Variants in SMOC2 observed in about 807,000 individuals in gnomAD.
The protein encoded by SMOC2 is SPARC-related modular calcium-binding protein 2.
Under a neutral mutation model 61.4 loss-of-function variants are expected in SMOC2, and 39 were observed. That is an observed-to-expected ratio of 0.64 (90% CI 0.49 to 0.83). SMOC2 has a LOEUF of 0.83. Among genes scored for constraint, SMOC2 ranks in the 40% least tolerant of loss-of-function variants. The pLI, the probability that SMOC2 is intolerant of heterozygous loss-of-function variation, is 0.00. For missense variants in SMOC2, 556 were observed against 592.9 expected, an observed-to-expected ratio of 0.94 and a Z score of 0.65; for synonymous variants, 247 against 239.9, an observed-to-expected ratio of 1.03 and a Z score of -0.27.
chr6:168,566,551 C>T (rs1361635387), intron 7 of SMOC2, among the ~76,000 whole-genome samples: 9 of 139,574 alleles, frequency 6.4e-5, no homozygotes, highest in African/African-American at 2.4e-4. Flanking sequence ...GGTGTGATCT[C>T]GGCTCACTGC....
chr6:168,536,978 C>T (rs920578972), intron 4 of SMOC2, among the ~76,000 whole-genome samples: 2 of 152,008 alleles, frequency 1.3e-5, no homozygotes, highest in Non-Finnish European at 2.9e-5. Context: ...GGGGCTCCTG[C>T]CAGTGTCAGG....
chr6:168,504,841 A>G (rs898759705), intron 1 of SMOC2, among the ~76,000 whole-genome samples: 1 of 152,214 alleles, frequency 6.6e-6, no homozygotes, highest in Non-Finnish European at 1.5e-5. Flanking sequence ...CTTAATAACT[A>G]TTTAATACAT....
intron 7 of SMOC2, among the ~76,000 whole-genome samples, chr6:168,562,496 G>A (rs964255798): frequency 7.9e-5 from 12 of 151,646 alleles, no homozygotes; most frequent in East Asian, 1.9e-4. Context: ...CTCTGACTGC[G>A]TTTTCGGAGG....
intron 1 of SMOC2, among the ~76,000 whole-genome samples, chr6:168,488,517 T>C (rs1782387000): frequency 6.6e-6 from 1 of 152,238 alleles, no homozygotes; most frequent in Admixed American, 6.5e-5. Context: ...TCTCCACTCC[T>C]GGCAGTCTGC....
chr6:168,447,512 C>G (rs1781356712), intron 1 of SMOC2, among the ~76,000 whole-genome samples: 1 of 152,196 alleles, frequency 6.6e-6, no homozygotes, highest in Non-Finnish European at 1.5e-5. Context: ...TGTGGGTGCC[C>G]TGGGCCCTGC....
At chr6:168,500,577 G>A (rs189888905) in intron 1 of SMOC2, among the ~76,000 whole-genome samples, 7 of 152,166 alleles carry the variant, frequency 4.6e-5, no homozygotes, top group East Asian at 1.9e-4. Flanking sequence ...TACTTGCCCC[G>A]GTGATTCTGT....
At chr6:168,585,377 T>G (rs1285646123) in intron 7 of SMOC2, among the ~76,000 whole-genome samples, 2 of 152,224 alleles carry the variant, frequency 1.3e-5, no homozygotes, top group Non-Finnish European at 2.9e-5. Context: ...ACTGCGTGCA[T>G]TACCCATTCA....
At chr6:168,637,833 T>C (rs994091448) in intron 9 of SMOC2, among the ~76,000 whole-genome samples, 1 of 152,136 alleles carries the variant, frequency 6.6e-6, no homozygotes, top group Non-Finnish European at 1.5e-5. Flanking sequence ...AGCCTCTTCC[T>C]CCCCTTCCCT....
rs117671545 is a variant in SMOC2, at chr6:168,511,021, C to T, written c.256+935C>T. Among the ~76,000 whole-genome samples, 1,367 of 152,230 alleles carry T rather than the reference C, an allele frequency of 9.0e-3. 20 individuals are homozygous for T. The highest frequency in any genetic ancestry group is 0.013 in the Non-Finnish European group (901 of 68,018). On this transcript the variant is annotated intron_variant, in intron 2 of 12. Transcript: ENST00000356284. ...CGTTGTAATGGAGCAGATGTAGAAACCTGTTGGATGGCGCTTGATATTGGC... is the reference window on the plus strand; with the variant it reads ...CGTTGTAATGGAGCAGATGTAGAAATCTGTTGGATGGCGCTTGATATTGGC...
intron 2 of SMOC2, among the ~76,000 whole-genome samples, chr6:168,513,482 CAT>C (rs1396996190): frequency 1.9e-4 from 1 of 5,402 alleles, no homozygotes; most frequent in Admixed American, 4.3e-3. Flanking sequence ...CACACACATA[CAT>C]ACACACACAC....
intron 12 of SMOC2, 135 bp downstream of exon 12, chr6:168,664,246 AG>A (rs1419305617): frequency 1.3e-6 from 1 of 775,620 alleles, no homozygotes; most frequent in African/African-American, 1.7e-5. Flanking sequence ...AAGGGAGGCA[AG>A]CTTACTGACT....
At chr6:168,568,921 T>C (rs181748210) in intron 7 of SMOC2, among the ~76,000 whole-genome samples, 30 of 152,372 alleles carry the variant, frequency 2.0e-4, no homozygotes, top group African/African-American at 7.0e-4. Context: ...TATTCCATTG[T>C]TTGGATGCAC....
intron 1 of SMOC2, among the ~76,000 whole-genome samples, chr6:168,500,479 G>T (rs943560257): frequency 2.0e-5 from 3 of 152,090 alleles, no homozygotes; most frequent in African/African-American, 7.2e-5. Flanking sequence ...ACCTGACGGG[G>T]TCCCTCACGG....
intron 11 of SMOC2, among the ~76,000 whole-genome samples, chr6:168,657,130 G>A (rs1052283447): frequency 6.6e-6 from 1 of 152,248 alleles, no homozygotes; most frequent in Admixed American, 6.5e-5. Flanking sequence ...GGGAAGAGGG[G>A]CACTAAATGT....
intron 3 of SMOC2, among the ~76,000 whole-genome samples, chr6:168,527,295 C>T (rs1287410922): frequency 1.3e-5 from 2 of 152,104 alleles, no homozygotes; most frequent in Non-Finnish European, 2.9e-5. Flanking sequence ...GTGGGGAGCT[C>T]CTGACCTTCC....
intron 9 of SMOC2, among the ~76,000 whole-genome samples, chr6:168,623,332 T>C (rs1019992581): frequency 6.8e-6 from 1 of 146,164 alleles, no homozygotes; most frequent in Admixed American, 6.8e-5. Flanking sequence ...ATAATTAATT[T>C]TTTTTTTTTT....
intron 8 of SMOC2, among the ~76,000 whole-genome samples, chr6:168,604,763 A>T (rs548414324): frequency 6.6e-6 from 1 of 152,328 alleles, no homozygotes; most frequent in South Asian, 2.1e-4. Context: ...ATGAGAATTA[A>T]AAGGCGTTAG....
At chr6:168,612,949 A>G (rs571838694) in intron 9 of SMOC2, among the ~76,000 whole-genome samples, 2 of 152,348 alleles carry the variant, frequency 1.3e-5, no homozygotes, top group East Asian at 1.9e-4. Flanking sequence ...AAGTGATTTC[A>G]TGGCCTAGAG....
rs373191815 is a variant in SMOC2 at position 168,599,985 on chromosome 6, ACACT to A, written c.824+985_824+988del. On this transcript the variant is annotated intron_variant, in intron 8 of 12. Coordinates refer to ENST00000356284, the MANE Select transcript of SMOC2 (RefSeq NM_001166412.2). ...ACACACACATACTCTCCCCACACAC[ACACT>A]CACACACAGTCTGTCCATCAGCTGT... Among the ~76,000 whole-genome samples the A allele has an allele frequency of 4.9e-3, 741 of 151,782 alleles. 6 individuals are homozygous for A. Among genetic ancestry groups the A allele is most frequent in the African/African-American group, 0.017 (692 of 41,380 alleles).
Sources: allele counts gnomAD v4.1 joint callset (sites outside exome capture counted in the v4.1 genomes callset), GRCh38; gene constraint gnomAD v4.1.1; transcripts MANE v1.5; gene names NCBI Gene and HGNC (gene_info 2026-07-23, HGNC 2026-07-21).